Variants in REXO5 observed in about 807,000 individuals in gnomAD.
REXO5 encodes RNA exonuclease 5.
A neutral mutation model predicts 88.5 loss-of-function variants in REXO5; 48 were observed. That is an observed-to-expected ratio of 0.54 (90% CI 0.43 to 0.69). The LOEUF is 0.69. Among genes scored for constraint, REXO5 ranks in the 30% least tolerant of loss-of-function variants. The pLI, the probability that REXO5 is intolerant of heterozygous loss-of-function variation, is 0.00. For missense variants in REXO5, 749 were observed against 912.2 expected (o/e 0.82, Z 2.30); for synonymous variants, 311 against 336.5 (o/e 0.92, Z 0.83).
chr16:20,816,785 A>G (rs555216000), intron 5 of REXO5, among the ~76,000 whole-genome samples: 2 of 152,208 alleles, frequency 1.3e-5, no homozygotes, highest in Non-Finnish European at 2.9e-5. Context: ...ACTCTTATGA[A>G]TTACTGTGAA....
At chr16:20,807,571 G>T (rs1004077037) in intron 2 of REXO5, among the ~76,000 whole-genome samples, 2 of 97,396 alleles carry the variant, frequency 2.1e-5, no homozygotes, top group Non-Finnish European at 3.9e-5. Context: ...CAACAAGAAA[G>T]AAATCACGTC....
chr16:20,843,993 G>C lies in REXO5; in HGVS notation c.1686G>C (p.Leu562Phe). 8 of 1,605,006 alleles carry C rather than the reference G, an allele frequency of 5.0e-6. No individual in the cohort carries two copies. The highest frequency in any genetic ancestry group is 6.8e-6 in the Non-Finnish European group (8 of 1,171,658). ...CTGCCCAGCTGGCCATAGAATCCTTGGATGGTATTCTGGTAGATGGTATCT... is the reference window on the plus strand; with the variant it reads ...CTGCCCAGCTGGCCATAGAATCCTTCGATGGTATTCTGGTAGATGGTATCT... ...LEAAQLAIES[L>F]DGILVDGICI... Residue 562 changes from leucine to phenylalanine, a missense_variant, in exon 16 of 20, where the codon TTG becomes TTC. By Grantham distance (22) the Leu-to-Phe change is conservative. Transcript: ENST00000261377.
At chr16:20,820,512 T>TATA (rs2081153446) in intron 5 of REXO5, among the ~76,000 whole-genome samples, 1 of 45,700 alleles carries the variant, frequency 2.2e-5, no homozygotes, top group Non-Finnish European at 3.5e-5. Context: ...TTCTCTCTCT[T>TATA]TATATATATA....
Position 20,845,124 on chromosome 16 carries a change from C to A in REXO5, c.2007C>A (p.Gly669=). Residue 669 remains glycine, a synonymous_variant, in exon 18 of 20, where the codon GGC becomes GGA. Transcript: ENST00000261377. ...CAGGCAAGGACTGGAAGCTGAAAGG[C>A]AGGCATGCCCTAACCCCCAGGCACC... is the stretch of plus-strand genomic sequence containing the variant. ...ILTGKDWKLK[G]RHALTPRHLH... 4 of 1,614,158 alleles carry A rather than the reference C, an allele frequency of 2.5e-6. No homozygotes were observed. The highest frequency in any genetic ancestry group is 3.4e-6 in the Non-Finnish European group (4 of 1,180,030).
intron 8 of REXO5, 27 bp downstream of exon 8, chr16:20,825,975 T>C (rs1272473335): frequency 6.9e-7 from 1 of 1,459,698 alleles, no homozygotes; most frequent in South Asian, 1.2e-5. Flanking sequence ...CTGCAGCTCT[T>C]CTAAGAGCTA....
chr16:20,842,644 AG>A (rs1446493610), intron 15 of REXO5, among the ~76,000 whole-genome samples: 1 of 151,928 alleles, frequency 6.6e-6, no homozygotes, highest in Non-Finnish European at 1.5e-5. Context: ...TTTGTAAGAC[AG>A]GGTCTCTCTA....
chr16:20,808,107 ACT>A (rs1163127757), intron 2 of REXO5, among the ~76,000 whole-genome samples: 1 of 151,956 alleles, frequency 6.6e-6, no homozygotes, highest in East Asian at 1.9e-4. Flanking sequence ...TGCTTATGAG[ACT>A]CTAATGATAA....
intron 19 of REXO5, among the ~76,000 whole-genome samples, chr16:20,847,262 A>T (rs1596619055): frequency 0.028 from 1 of 36 alleles, no homozygotes; most frequent in African/African-American, 0.1. Context: ...ACACACACAC[A>T]AAAAAAAAAA....
In REXO5 at chr16:20,839,774, T is replaced by A. The variant is rs943938284; in HGVS notation, c.1403T>A (p.Val468Glu). 1.2e-6 allele frequency: 2 copies of A among 1,613,644 alleles called. No individual in the cohort carries two copies. The highest frequency in any genetic ancestry group is 1.7e-6 in the Non-Finnish European group (2 of 1,179,760). ...CTACAGGTTCTTGAGCAGGCCAGAG[T>A]GGAAATCCCCCTGTTTCCCTTCAGC... is the stretch of plus-strand genomic sequence containing the variant. Reference protein sequence around the residue: ...SNKEVLEQARVEIPLFPFSIV... With the variant: ...SNKEVLEQAREEIPLFPFSIV... Residue 468 changes from valine (V) to glutamate (E), a missense_variant, in exon 14 of 20, where the codon GTG becomes GAG. Transcript: ENST00000261377.
At chr16:20,807,664 G>A (rs1231249842) in intron 2 of REXO5, among the ~76,000 whole-genome samples, 7 of 150,786 alleles carry the variant, frequency 4.6e-5, no homozygotes, top group African/African-American at 1.7e-4. Flanking sequence ...CAGTTTGGGA[G>A]GCCAAGGCGG....
At chr16:20,815,492 C>G (rs2081067229) in intron 4 of REXO5, among the ~76,000 whole-genome samples, 3 of 152,088 alleles carry the variant, frequency 2.0e-5, no homozygotes, top group African/African-American at 7.2e-5. Flanking sequence ...TCCATTTATT[C>G]CTGAAGGCAT....
intron 11 of REXO5, among the ~76,000 whole-genome samples, chr16:20,831,929 G>C (rs543810127): frequency 6.6e-6 from 1 of 152,294 alleles, no homozygotes; most frequent in African/African-American, 2.4e-5. Context: ...AACAATGTTA[G>C]TAGCTGATAA....
In REXO5 at chr16:20,825,940, C is replaced by A; in HGVS notation, c.813C>A (p.Tyr271Ter). Residue 271 changes from tyrosine to a stop codon, truncating the protein, a stop_gained, in exon 8 of 20, where the codon TAC becomes TAA. Coordinates refer to ENST00000261377, the MANE Select transcript of REXO5 (RefSeq NM_030941.3). LOFTEE classifies it high-confidence loss of function. Reference protein sequence around the residue: ...LVKPENKILDYLTSFSGITKK... With the variant: ...LVKPENKILD ...AACCTGAAAACAAGATTCTGGACTA[C>A]CTCACCAGGTATTTTTCACCTTGCC... 6.2e-7 allele frequency: 1 copy of A among 1,610,546 alleles called. No homozygotes were observed. The highest frequency in any genetic ancestry group is 8.5e-7 in the Non-Finnish European group (1 of 1,177,312).
At chr16:20,823,178 A>G (rs2081211104) in intron 6 of REXO5, among the ~76,000 whole-genome samples, 1 of 152,228 alleles carries the variant, frequency 6.6e-6, no homozygotes, top group Non-Finnish European at 1.5e-5. Flanking sequence ...TCATTTGTAT[A>G]GCTTCAGAGA....
intron 3 of REXO5, 42 bp downstream of exon 3, chr16:20,813,344 C>CTTTTTTCTTT (rs71377687): frequency 7.8e-6 from 5 of 643,980 alleles, no homozygotes; most frequent in East Asian, 3.1e-5. Context: ...CCAGCGGTTT[C>CTTTTTTCTTT]TTTTTTTTTT....
At chr16:20,811,438 ATATAT>A (rs1461614811) in intron 2 of REXO5, among the ~76,000 whole-genome samples, 1 of 152,230 alleles carries the variant, frequency 6.6e-6, no homozygotes, top group Non-Finnish European at 1.5e-5. Context: ...TGTTTTTCAG[ATATAT>A]TATAAATTTT....
chr16:20,824,284 A>T (rs2081228798), intron 6 of REXO5, among the ~76,000 whole-genome samples, 155 bp from the exon 7 acceptor site: 1 of 152,180 alleles, frequency 6.6e-6, no homozygotes, highest in Non-Finnish European at 1.5e-5. Context: ...TTGAGGACAG[A>T]GATTGTATCT....
intron 12 of REXO5, 36 bp from the exon 13 acceptor site, chr16:20,832,967 T>G: frequency 1.3e-6 from 2 of 1,588,462 alleles, no homozygotes; most frequent in Non-Finnish European, 1.7e-6. Context: ...TCTGGAAAAC[T>G]GTTGTTCTTA....
chr16:20,844,110 C>A, intron 16 of REXO5, 84 bp downstream of exon 16: 1 of 810,460 alleles, frequency 1.2e-6, no homozygotes, highest in Non-Finnish European at 2.1e-6. Context: ...ATATAGGAAA[C>A]ACTCTCAAGA....
Sources: gnomAD v4.1 joint callset for allele counts (sites outside exome capture counted in the v4.1 genomes callset) on GRCh38, gnomAD v4.1.1 for gene constraint, MANE v1.5 for transcripts, NCBI Gene and HGNC (gene_info 2026-07-23, HGNC 2026-07-21) for gene names.